Variants in ELAPOR1 observed in about 807,000 individuals in gnomAD.
ELAPOR1 encodes the protein endosome/lysosome-associated apoptosis and autophagy regulator 1.
A neutral mutation model predicts 119.7 loss-of-function variants in ELAPOR1; 77 were observed. That is an observed-to-expected ratio of 0.64 (90% CI 0.54 to 0.78). ELAPOR1 has a LOEUF of 0.78. Ranked by LOEUF, ELAPOR1 falls within the 30% of genes least tolerant of loss-of-function variation. The pLI is 0.00. For missense variants in ELAPOR1, 1,115 were observed against 1,270.4 expected, an observed-to-expected ratio of 0.88 and a Z score of 1.86; for synonymous variants, 481 against 487.2, an observed-to-expected ratio of 0.99 and a Z score of 0.17.
At chr1:109,118,900 C>CTTTTTTTT (rs777752743) in intron 1 of ELAPOR1, among the ~76,000 whole-genome samples, 1,549 of 128,082 alleles carry the variant, frequency 0.012, 105 homozygotes, top group African/African-American at 0.043. Context: ...TTTGGTTCTT[C>CTTTTTTTT]TTTTTTTTTT....
At chr1:109,138,689 T>C (rs1046054733) in intron 1 of ELAPOR1, among the ~76,000 whole-genome samples, 2 of 152,038 alleles carry the variant, frequency 1.3e-5, no homozygotes, top group Admixed American at 6.6e-5. Flanking sequence ...TGTCAGGTCC[T>C]GCCCAGGGTG....
chr1:109,194,375 A>G, intron 14 of ELAPOR1, 46 bp from the exon 15 acceptor site: 1 of 1,573,298 alleles, frequency 6.4e-7, no homozygotes, highest in South Asian at 1.1e-5. Context: ...CAGGCCCTCA[A>G]GGCCCTTCCT....
At chr1:109,135,246 C>CT (rs201749833) in intron 1 of ELAPOR1, among the ~76,000 whole-genome samples, 15 of 149,520 alleles carry the variant, frequency 1.0e-4, no homozygotes, top group East Asian at 2.0e-4. Context: ...ATTCAAATTT[C>CT]TTTTTTTTTT....
chr1:109,161,857 C>T lies in ELAPOR1; in HGVS notation c.154-37C>T, dbSNP rs373872117. On this transcript the variant is annotated intron_variant, in intron 1 of 21. Transcript: ENST00000369939. ...GGAAGCTGTTAATGTTTGATCACTGCTAATGCACATTTCGCCCACTGTTCT... is the reference window on the plus strand; with the variant it reads ...GGAAGCTGTTAATGTTTGATCACTGTTAATGCACATTTCGCCCACTGTTCT... The T allele has an allele frequency of 3.0e-5, 48 of 1,589,204 alleles. No individual in the cohort carries two copies. In the African/African-American group the frequency reaches 5.4e-4, roughly 18 times the overall value.
Position 109,151,337 on chromosome 1 carries a change from G to A in ELAPOR1, c.154-10557G>A, listed in dbSNP as rs1650519098. ...CTAAGGGAGTGGGAGGAGGGAGGGA[G>A]GGAGGAGCCCAGCTGCCTTTCCCAG... On this transcript the variant is annotated intron_variant, in intron 1 of 21. Transcript: ENST00000369939. Among the ~76,000 whole-genome samples the A allele has an allele frequency of 4.0e-5, 6 of 151,190 alleles. 2 individuals are homozygous for A. The South Asian group carries it at 1.3e-3, about 32-fold the overall frequency.
chr1:109,156,703 C>T (rs982617001), intron 1 of ELAPOR1, among the ~76,000 whole-genome samples: 1 of 150,086 alleles, frequency 6.7e-6, no homozygotes, highest in Admixed American at 6.6e-5. Flanking sequence ...GGGGCCTTAT[C>T]CCCCGCTGCC....
chr1:109,171,816 C>T (rs1176871821), intron 3 of ELAPOR1, 50 bp from the exon 4 acceptor site: 4 of 1,600,020 alleles, frequency 2.5e-6, no homozygotes, highest in Non-Finnish European at 3.4e-6. Context: ...TGGCACAAAG[C>T]CTGGTGGGCT....
At chr1:109,187,534 G>C in intron 8 of ELAPOR1, 10 of 1,001,336 alleles carry the variant, frequency 1.0e-5, no homozygotes, top group Non-Finnish European at 1.2e-5. Context: ...GTTTTTGTCT[G>C]TGACTCGATC....
At chr1:109,131,052 C>T (rs1442008061) in intron 1 of ELAPOR1, among the ~76,000 whole-genome samples, 1 of 152,166 alleles carries the variant, frequency 6.6e-6, no homozygotes, top group Non-Finnish European at 1.5e-5. Flanking sequence ...GTGATTCTGG[C>T]TCAGAGTCTC....
At chr1:109,174,024 T>TC in intron 7 of ELAPOR1, among the ~76,000 whole-genome samples, 187 bp downstream of exon 7, 1 of 151,234 alleles carries the variant, frequency 6.6e-6, no homozygotes, top group East Asian at 2.0e-4. Flanking sequence ...CATTTTTTTT[T>TC]TTTTTTGAGA....
intron 1 of ELAPOR1, among the ~76,000 whole-genome samples, chr1:109,150,749 C>A (rs1444129868): frequency 6.6e-6 from 1 of 152,124 alleles, no homozygotes; most frequent in Non-Finnish European, 1.5e-5. Context: ...TCTCTACTTC[C>A]CCCTTCGAAG....
chr1:109,129,973 G>A (rs1017537646), intron 1 of ELAPOR1, among the ~76,000 whole-genome samples: 2 of 152,014 alleles, frequency 1.3e-5, no homozygotes, highest in Non-Finnish European at 2.9e-5. Flanking sequence ...GAAGGTTCTA[G>A]GGAAGAACCT....
chr1:109,141,002 C>T (rs1301854006), intron 1 of ELAPOR1, among the ~76,000 whole-genome samples: 1 of 152,062 alleles, frequency 6.6e-6, no homozygotes, highest in Non-Finnish European at 1.5e-5. Context: ...CAGGCATGCA[C>T]CACCACATCC....
At chr1:109,158,924 C>CT (rs920520599) in intron 1 of ELAPOR1, among the ~76,000 whole-genome samples, 7 of 132,696 alleles carry the variant, frequency 5.3e-5, no homozygotes, top group Non-Finnish European at 1.1e-4. Context: ...CGGAGTCTTG[C>CT]TTTTTTTGCC....
At chr1:109,159,961 G>C (rs573610638) in intron 1 of ELAPOR1, among the ~76,000 whole-genome samples, 46 of 152,166 alleles carry the variant, frequency 3.0e-4, no homozygotes, top group Non-Finnish European at 6.0e-4. Context: ...ATTTTAAGAA[G>C]TGGATTGACA....
chr1:109,137,500 G>A (rs1411125996), intron 1 of ELAPOR1, among the ~76,000 whole-genome samples: 3 of 150,496 alleles, frequency 2.0e-5, no homozygotes, highest in African/African-American at 7.3e-5. Context: ...CACCACACCC[G>A]ACCTAAATTT....
intron 1 of ELAPOR1, among the ~76,000 whole-genome samples, chr1:109,147,072 A>ATTTTTTTT (rs35132655): frequency 1.4e-5 from 2 of 141,256 alleles, no homozygotes; most frequent in Non-Finnish European, 3.1e-5. Flanking sequence ...CGCCTGGCTA[A>ATTTTTTTT]TTTTTTTTTT....
chr1:109,193,210 A>G (rs1653561896), intron 14 of ELAPOR1, among the ~76,000 whole-genome samples: 1 of 152,124 alleles, frequency 6.6e-6, no homozygotes, highest in South Asian at 2.1e-4. Flanking sequence ...CTTATATTCA[A>G]AAATGTTCAA....
rs188089729 is a variant in ELAPOR1, at chr1:109,140,876, G to A, written c.154-21018G>A. 3.2e-3 allele frequency among the ~76,000 whole-genome samples: 481 copies of A among 152,230 alleles called. 3 individuals carry two copies. The highest frequency in any genetic ancestry group is 5.3e-3 in the Non-Finnish European group (359 of 68,010). ...TATTTATTTATTTTTTTCTGAGACA[G>A]AGTCTGTCTCTGTCACCCAGGCTGG... On this transcript the variant is annotated intron_variant, in intron 1 of 21. Transcript: ENST00000369939.
Sources: gnomAD v4.1 joint callset for allele counts (sites outside exome capture counted in the v4.1 genomes callset) on GRCh38, gnomAD v4.1.1 for gene constraint, MANE v1.5 for transcripts, NCBI Gene and HGNC (gene_info 2026-07-23, HGNC 2026-07-21) for gene names.